The following ADAM2 variants were observed in gnomAD, a reference collection of about 807,000 sequenced individuals.
The protein encoded by ADAM2 is disintegrin and metalloproteinase domain-containing protein 2.
A neutral mutation model predicts 99.3 loss-of-function variants in ADAM2; 101 were observed. The observed-to-expected ratio is 1.02, with a 90% CI of 0.87 to 1.20. ADAM2 has a LOEUF of 1.20. ADAM2 is among the 50% of genes most tolerant of loss of function. The pLI is 0.00. For synonymous variants in ADAM2, 323 were observed against 287.6 expected (o/e 1.12, Z -1.25); for missense variants, 948 against 878.7 (o/e 1.08, Z -1.00).
At chr8:39,772,337 C>T (rs1802817676) in intron 11 of ADAM2, among the ~76,000 whole-genome samples, 1 of 151,706 alleles carries the variant, frequency 6.6e-6, no homozygotes. Flanking sequence ...ATATAGAAGT[C>T]AAATAATTGA....
At chr8:39,773,474 T>C (rs1802863279) in intron 11 of ADAM2, among the ~76,000 whole-genome samples, 1 of 151,720 alleles carries the variant, frequency 6.6e-6, no homozygotes, top group Non-Finnish European at 1.5e-5. Flanking sequence ...AATTAAAATA[T>C]GATTCTTTAA....
Position 39,789,049 on chromosome 8 carries a change from G to A in ADAM2, c.571-309C>T, listed in dbSNP as rs78988777. On this transcript the variant is annotated intron_variant, in intron 7 of 20. Transcript: ENST00000265708. Reference sequence around the variant, plus strand: ...TAAAAGAAAAGTTTAGCTCTAAACCGGAATGTTTAGATGTGTGTATAGGAG... The same window carrying A: ...TAAAAGAAAAGTTTAGCTCTAAACCAGAATGTTTAGATGTGTGTATAGGAG... Among the ~76,000 whole-genome samples the A allele has an allele frequency of 5.3e-3, 804 of 151,392 alleles. 5 individuals carry two copies. Among genetic ancestry groups the A allele is most frequent in the African/African-American group, 0.018 (733 of 41,418 alleles).
chr8:39,749,865 C>G, intron 16 of ADAM2, 121 bp from the exon 17 acceptor site: 1 of 653,166 alleles, frequency 1.5e-6, no homozygotes, highest in Non-Finnish European at 2.6e-6. Context: ...GATTTAGCAA[C>G]AAGAATTAGT....
chr8:39,768,618 A>G (rs1283160315), intron 12 of ADAM2, among the ~76,000 whole-genome samples: 1 of 152,192 alleles, frequency 6.6e-6, no homozygotes, highest in Non-Finnish European at 1.5e-5. Flanking sequence ...CTGGCTCCAT[A>G]GTGAAAGCTT....
intron 7 of ADAM2, among the ~76,000 whole-genome samples, chr8:39,798,019 A>G (rs1270528854): frequency 6.6e-6 from 1 of 152,192 alleles, no homozygotes; most frequent in Non-Finnish European, 1.5e-5. Flanking sequence ...TTTTATTTGA[A>G]TACACTTTAT....
intron 7 of ADAM2, among the ~76,000 whole-genome samples, chr8:39,798,165 G>T (rs1174455774): frequency 6.6e-6 from 1 of 152,162 alleles, no homozygotes; most frequent in Non-Finnish European, 1.5e-5. Context: ...GTATGATATT[G>T]GCTGTGGGTT....
chr8:39,837,741 G>A (rs1805900925), intron 1 of ADAM2, among the ~76,000 whole-genome samples: 1 of 152,052 alleles, frequency 6.6e-6, no homozygotes, highest in African/African-American at 2.4e-5. Context: ...CCTGTAGGTA[G>A]GATCTGGTAA....
chr8:39,771,040 T>C (rs1210627764), intron 11 of ADAM2, among the ~76,000 whole-genome samples: 1 of 152,230 alleles, frequency 6.6e-6, no homozygotes, highest in Non-Finnish European at 1.5e-5. Flanking sequence ...TAAATTCACC[T>C]ATAGTTACTC....
rs117316256 is a variant in ADAM2, at chr8:39,790,400, G to T, written c.571-1660C>A. On this transcript the variant is annotated intron_variant, in intron 7 of 20. Coordinates refer to ENST00000265708, the MANE Select transcript of ADAM2 (RefSeq NM_001464.5). Reference sequence around the variant, plus strand: ...CATGTATAAACCTGAAAATCACTACGGTAAATGAAAAAATAGTCATAAATC... The same window carrying T: ...CATGTATAAACCTGAAAATCACTACTGTAAATGAAAAAATAGTCATAAATC... Among the ~76,000 whole-genome samples the T allele has an allele frequency of 2.0e-5, 3 of 151,656 alleles. No homozygotes were observed. In the East Asian group the frequency reaches 5.8e-4, roughly 29 times the overall value.
chr8:39,748,815 T>C (rs937556617), intron 18 of ADAM2, among the ~76,000 whole-genome samples: 1 of 152,086 alleles, frequency 6.6e-6, no homozygotes, highest in African/African-American at 2.4e-5. Context: ...CAACAGTGAC[T>C]GTATATTCTC....
intron 3 of ADAM2, among the ~76,000 whole-genome samples, chr8:39,828,104 G>T (rs1434430542): frequency 1.3e-5 from 2 of 151,814 alleles, no homozygotes; most frequent in Admixed American, 1.3e-4. Flanking sequence ...AATATATTAA[G>T]AATTTCTGAG....
intron 10 of ADAM2, among the ~76,000 whole-genome samples, chr8:39,785,796 TAAAAA>T (rs58429092): frequency 8.2e-6 from 1 of 122,500 alleles, no homozygotes. Flanking sequence ...CTGTCTCAAA[TAAAAA>T]AAAAAAAAAA....
At chr8:39,772,092 G>A (rs1802805869) in intron 11 of ADAM2, among the ~76,000 whole-genome samples, 1 of 143,872 alleles carries the variant, frequency 7.0e-6, no homozygotes, top group South Asian at 2.2e-4. Context: ...AAAAAAGAAA[G>A]AGGGGAGAGA....
intron 6 of ADAM2, among the ~76,000 whole-genome samples, chr8:39,817,293 T>C (rs1365347095): frequency 6.6e-6 from 1 of 152,000 alleles, no homozygotes; most frequent in African/African-American, 2.4e-5. Context: ...GTTGAGCTCA[T>C]AGAAGTAGAG....
At chr8:39,795,075 T>C (rs1294823297) in intron 7 of ADAM2, among the ~76,000 whole-genome samples, 1 of 152,170 alleles carries the variant, frequency 6.6e-6, no homozygotes, top group Non-Finnish European at 1.5e-5. Flanking sequence ...TCTTTGGTAA[T>C]TTACACTTTT....
Position 39,793,536 on chromosome 8 carries a change from C to T in ADAM2, c.571-4796G>A, listed in dbSNP as rs950821147. Among the ~76,000 whole-genome samples, 6 of 152,126 alleles carry T rather than the reference C, an allele frequency of 3.9e-5. No individual in the cohort carries two copies. The South Asian group carries it at 8.3e-4, about 21-fold the overall frequency. On this transcript the variant is annotated intron_variant, in intron 7 of 20. Coordinates refer to ENST00000265708, the MANE Select transcript of ADAM2 (RefSeq NM_001464.5). ...AAACCTGACTTGTAACCACTTGAGG[C>T]AATGGTCAGGTAGGTTAATCAAGAT...
chr8:39,766,700 G>A (rs1021237562), intron 14 of ADAM2, 148 bp downstream of exon 14: 12 of 655,224 alleles, frequency 1.8e-5, no homozygotes, highest in South Asian at 5.1e-5. Flanking sequence ...GAGCCACCGC[G>A]CCTGGCCGTA....
intron 7 of ADAM2, among the ~76,000 whole-genome samples, chr8:39,798,665 G>C (rs1804074854): frequency 6.6e-6 from 1 of 152,040 alleles, no homozygotes; most frequent in South Asian, 2.1e-4. Context: ...AGTCTGTCTG[G>C]TCCTGGGCTT....
At chr8:39,761,339 A>G (rs1802363757) in intron 14 of ADAM2, 58 bp from the exon 15 acceptor site, 4 of 962,076 alleles carry the variant, frequency 4.2e-6, no homozygotes, top group Non-Finnish European at 6.1e-6. Flanking sequence ...AAAATAAATA[A>G]CAAATACACT....
Sources: gnomAD v4.1 joint callset for allele counts (sites outside exome capture counted in the v4.1 genomes callset) on GRCh38, gnomAD v4.1.1 for gene constraint, MANE v1.5 for transcripts, NCBI Gene and HGNC (gene_info 2026-07-23, HGNC 2026-07-21) for gene names.